The following TIPRL variants were observed in gnomAD, a reference collection of about 807,000 sequenced individuals.
TIPRL encodes TIP41-like protein.
Under a neutral mutation model 32.3 loss-of-function variants are expected in TIPRL, and 10 were observed. The ratio of observed to expected loss-of-function variants is 0.31; its 90% CI spans 0.19 to 0.52. The LOEUF is 0.52. Among genes scored for constraint, TIPRL ranks in the 20% least tolerant of loss-of-function variants. TIPRL has a pLI of 0.96. For missense variants in TIPRL, 250 were observed against 328.1 expected (o/e 0.76, Z 1.84); for synonymous variants, 100 against 114.0 (o/e 0.88, Z 0.78).
chr1:168,184,889 C>CTT lies in TIPRL; in HGVS notation c.384+16_384+17dup. Reference sequence around the variant, plus strand: ...TCTCTTAAGTTAAAGGTAAATCTTACTTTTTTCTTTCATGAGTCATTGATT... The same window carrying CTT: ...TCTCTTAAGTTAAAGGTAAATCTTACTTTTTTTTCTTTCATGAGTCATTGATT... On this transcript the variant is annotated intron_variant, in intron 3 of 6. Coordinates refer to ENST00000367833, the MANE Select transcript of TIPRL (RefSeq NM_152902.5). 6.4e-7 allele frequency: 1 copy of CTT among 1,551,002 alleles called. No homozygotes were observed. The highest frequency in any genetic ancestry group is 8.9e-7 in the Non-Finnish European group (1 of 1,127,192).
rs777162946 is a variant in TIPRL at position 168,198,875 on chromosome 1, T to A, written c.613-44T>A. ...TTTTTAATACAAAGGATTTTGTAAA[T>A]CAGTATAATTAAATTTATTGCAACT... On this transcript the variant is annotated intron_variant, in intron 5 of 6. Transcript: ENST00000367833. The A allele has an allele frequency of 2.0e-6, 3 of 1,522,938 alleles. No homozygotes were observed. The South Asian group carries it at 3.5e-5, about 18-fold the overall frequency. The allele number at this position is 1,522,938 out of a possible 1,614,324, so 94.3% of individuals were successfully genotyped here.
At chr1:168,180,275 C>G (rs1179146533) in intron 1 of TIPRL, among the ~76,000 whole-genome samples, 1 of 152,084 alleles carries the variant, frequency 6.6e-6, no homozygotes, top group African/African-American at 2.4e-5. Context: ...AGATCTCTGG[C>G]TTGGATTTTT....
At chr1:168,180,189 T>C (rs1448653345) in intron 1 of TIPRL, among the ~76,000 whole-genome samples, 3 of 151,954 alleles carry the variant, frequency 2.0e-5, no homozygotes, top group African/African-American at 7.3e-5. Context: ...AAAAGATAGG[T>C]TTTAGAAGAT....
At chr1:168,196,521 TA>T in intron 4 of TIPRL, 25 bp from the exon 5 acceptor site, 1 of 1,431,104 alleles carries the variant, frequency 7.0e-7, no homozygotes, top group Non-Finnish European at 9.3e-7. Context: ...ATTAAAATAT[TA>T]ATGTACCTTT....
rs574058103 is a variant in TIPRL at position 168,187,214 on chromosome 1, C to G, written c.384+2336C>G. ...ATAGATTAGTGTTCTCCTCCCTCCT[C>G]TCTTCTGATTGAAAAACTTTGTAGA... is the stretch of plus-strand genomic sequence containing the variant. On this transcript the variant is annotated intron_variant, in intron 3 of 6. Transcript: ENST00000367833. Among the ~76,000 whole-genome samples, 21 of 152,330 alleles carry G rather than the reference C, an allele frequency of 1.4e-4. 1 individual carries two copies. The South Asian group carries it at 4.1e-3, about 30-fold the overall frequency.
rs1295880319 is a variant in TIPRL, at chr1:168,201,600, TAGGAC to T, written c.*1557_*1561del. ...TATACCTGTATTTAATGTTTTCTCT[TAGGAC>T]AGAAAAGTAGACACACACACACACA... is the stretch of plus-strand genomic sequence containing the variant. On this transcript the variant is annotated 3_prime_UTR_variant, in exon 7 of 7. Coordinates refer to ENST00000367833, the MANE Select transcript of TIPRL (RefSeq NM_152902.5). 1 of 128,558 alleles carries T rather than the reference TAGGAC, an allele frequency of 7.8e-6. No homozygotes were observed. Among genetic ancestry groups the T allele is most frequent in the African/African-American group, 3.3e-5 (1 of 30,046 alleles). 8.0% of individuals were successfully genotyped at this position (128,558 alleles called of 1,614,324 possible).
chr1:168,200,610 A>T lies in TIPRL; in HGVS notation c.*564A>T, dbSNP rs1572438896. 1.9e-5 allele frequency: 1 copy of T among 52,472 alleles called. No individual in the cohort carries two copies. 3.3% of individuals were successfully genotyped at this position (52,472 alleles called of 1,614,324 possible). On this transcript the variant is annotated 3_prime_UTR_variant, in exon 7 of 7. Transcript: ENST00000367833. ...AGTTTTAAATTGCCTTTGAAATTTA[A>T]AAAAAAAAAATTTAGACTTAGTACC...
At chr1:168,193,380 A>G (rs1700121150) in intron 4 of TIPRL, among the ~76,000 whole-genome samples, 1 of 152,172 alleles carries the variant, frequency 6.6e-6, no homozygotes, top group Non-Finnish European at 1.5e-5. Flanking sequence ...CATCTAATAT[A>G]TATCATTATT....
rs866255245 is a variant in TIPRL at position 168,199,365 on chromosome 1, C to T, written c.675+384C>T. On this transcript the variant is annotated intron_variant, in intron 6 of 6. Coordinates refer to ENST00000367833, the MANE Select transcript of TIPRL (RefSeq NM_152902.5). ...CTTCCGAAAATGTGGTGATTCTGTACCATAATTTGTTTGTTTTGGCATCAT... is the reference window on the plus strand; with the variant it reads ...CTTCCGAAAATGTGGTGATTCTGTATCATAATTTGTTTGTTTTGGCATCAT... Among the ~76,000 whole-genome samples the T allele has an allele frequency of 6.3e-4, 94 of 149,802 alleles. No individual in the cohort carries two copies. In the Middle Eastern group the frequency reaches 0.014, roughly 22 times the overall value.
At position 168,200,149 on chromosome 1, in the gene TIPRL, G is replaced by A; in HGVS notation, c.*103G>A. The A allele has an allele frequency of 2.3e-6, 3 of 1,292,902 alleles. No homozygotes were observed. Among genetic ancestry groups the A allele is most frequent in the Non-Finnish European group, 2.1e-6 (2 of 963,386 alleles). 80.1% of individuals were successfully genotyped at this position (1,292,902 alleles called of 1,614,324 possible). A position where few individuals can be genotyped will look rare whatever the true frequency, so the allele number is the denominator to read the frequency against. The stretch of plus-strand genomic sequence containing the variant: ...GAATTAATTGCCTTGTTTATGTACA[G>A]ATTTTCTGTAGCCTTAAAGGAAAAA... On this transcript the variant is annotated 3_prime_UTR_variant, in exon 7 of 7. Transcript: ENST00000367833.
intron 3 of TIPRL, among the ~76,000 whole-genome samples, chr1:168,185,801 G>T (rs1700020218): frequency 6.7e-6 from 1 of 149,176 alleles, no homozygotes; most frequent in Admixed American, 6.7e-5. Flanking sequence ...ATTCGGCCAG[G>T]TGCAGTGGCT....
intron 3 of TIPRL, among the ~76,000 whole-genome samples, chr1:168,186,565 T>G (rs1321638009): frequency 1.3e-5 from 2 of 152,190 alleles, no homozygotes; most frequent in Non-Finnish European, 2.9e-5. Flanking sequence ...TATCACAGAC[T>G]ATTATATAGA....
chr1:168,201,243 A>C lies in TIPRL; in HGVS notation c.*1197A>C, dbSNP rs888461024. 1 of 152,144 alleles carries C rather than the reference A, an allele frequency of 6.6e-6. No homozygotes were observed. Among genetic ancestry groups the C allele is most frequent in the Non-Finnish European group, 1.5e-5 (1 of 67,998 alleles). The allele number at this position is 152,144 out of a possible 1,614,324, so 9.4% of individuals were successfully genotyped here. A position where few individuals can be genotyped will look rare whatever the true frequency, so the allele number is the denominator to read the frequency against. Reference sequence around the variant, plus strand: ...TGGATTTTTAAAAATATTTTTTTGAAGGGCAGGGGGAAAATTCACCCCTTT... The same window carrying C: ...TGGATTTTTAAAAATATTTTTTTGACGGGCAGGGGGAAAATTCACCCCTTT... On this transcript the variant is annotated 3_prime_UTR_variant, in exon 7 of 7. Transcript: ENST00000367833.
At chr1:168,196,709 T>C in intron 5 of TIPRL, 67 bp downstream of exon 5, 1 of 1,131,418 alleles carries the variant, frequency 8.8e-7, no homozygotes, top group East Asian at 2.6e-5. Context: ...TAATTGTCAA[T>C]CTGAGAATTT....
Position 168,179,192 on chromosome 1 carries a change from G to C in TIPRL, c.104+11G>C. 1 of 1,613,208 alleles carries C rather than the reference G, an allele frequency of 6.2e-7. No homozygotes were observed. Among genetic ancestry groups the C allele is most frequent in the South Asian group, 1.1e-5 (1 of 90,998 alleles). Reference sequence around the variant, plus strand: ...GGCGGATGTGGAGAAGTGAGGCTTCGGGGCACGGGGTCTGGGCGCTGGCCG... The same window carrying C: ...GGCGGATGTGGAGAAGTGAGGCTTCCGGGCACGGGGTCTGGGCGCTGGCCG... On this transcript the variant is annotated intron_variant, in intron 1 of 6. Coordinates refer to ENST00000367833, the MANE Select transcript of TIPRL (RefSeq NM_152902.5).
chr1:168,183,828 T>C (rs1268824108), intron 1 of TIPRL, 74 bp from the exon 2 acceptor site: 7 of 1,474,660 alleles, frequency 4.7e-6, no homozygotes, highest in African/African-American at 4.2e-5. Flanking sequence ...GGAAGAATTC[T>C]GTTGGGATGG....
Position 168,188,379 on chromosome 1 carries a change from T to C in TIPRL, c.385-2990T>C, listed in dbSNP as rs57108288. 2.5e-3 allele frequency among the ~76,000 whole-genome samples: 377 copies of C among 152,276 alleles called. 1 individual carries two copies. The highest frequency in any genetic ancestry group is 8.8e-3 in the African/African-American group (365 of 41,554). On this transcript the variant is annotated intron_variant, in intron 3 of 6. Coordinates refer to ENST00000367833, the MANE Select transcript of TIPRL (RefSeq NM_152902.5). ...GAGTCAGACGTAAATATTTTAGGCT[T>C]TGTGGGCCTTAGAGTCTCTGTTGCA... is the stretch of plus-strand genomic sequence containing the variant.
At chr1:168,195,210 A>C (rs1462740660) in intron 4 of TIPRL, among the ~76,000 whole-genome samples, 24 of 152,134 alleles carry the variant, frequency 1.6e-4, no homozygotes. Flanking sequence ...CTTATATGTA[A>C]GATTATAGGC....
intron 3 of TIPRL, 91 bp downstream of exon 3, chr1:168,184,969 T>C: frequency 1.3e-6 from 1 of 750,814 alleles, no homozygotes. Flanking sequence ...TTTTTGCAAC[T>C]ATTTTTATCG....
Sources: allele counts gnomAD v4.1 joint callset (sites outside exome capture counted in the v4.1 genomes callset), GRCh38; gene constraint gnomAD v4.1.1; transcripts MANE v1.5; gene names NCBI Gene and HGNC (gene_info 2026-07-23, HGNC 2026-07-21).